The following SGO1 variants were observed in gnomAD, a reference collection of about 807,000 sequenced individuals.
SGO1 encodes shugoshin 1, also known as serologically defined breast cancer antigen NY-BR-85.
SGO1 carries 39 observed loss-of-function variants against 50.5 expected under a neutral mutation model. The ratio of observed to expected loss-of-function variants is 0.77; its 90% CI spans 0.60 to 1.01. SGO1 has a LOEUF of 1.01. Ranked by LOEUF, SGO1 falls within the 50% of genes least tolerant of loss-of-function variation. The pLI, the probability that SGO1 is intolerant of heterozygous loss-of-function variation, is 0.00. For synonymous variants in SGO1, 191 were observed against 205.1 expected, an observed-to-expected ratio of 0.93 and a Z score of 0.59; for missense variants, 638 against 606.0, an observed-to-expected ratio of 1.05 and a Z score of -0.55.
At chr3:20,165,211 G>A (rs1474383098), downstream of SGO1, among the ~76,000 whole-genome samples, 1 of 152,222 alleles carries the variant, frequency 6.6e-6, no homozygotes, top group African/African-American at 2.4e-5. Context: ...AAGGAAGCAA[G>A]AGAGAAGTGG....
chr3:20,186,262 G>A (rs1575274544), upstream of SGO1: 2 of 152,262 alleles, frequency 1.3e-5, no homozygotes, highest in African/African-American at 2.4e-5. Flanking sequence ...ACGTGGCGCA[G>A]GATGCACCCA....
downstream of SGO1, among the ~76,000 whole-genome samples, chr3:20,166,924 T>G (rs1559345366): frequency 6.6e-6 from 1 of 150,974 alleles, no homozygotes; most frequent in Non-Finnish European, 1.5e-5. Flanking sequence ...AGGGGATCCT[T>G]TGAACCCAGG....
intron 3 of SGO1, among the ~76,000 whole-genome samples, chr3:20,183,167 TA>T (rs1702222243): frequency 6.6e-6 from 1 of 152,152 alleles, no homozygotes; most frequent in Non-Finnish European, 1.5e-5. Context: ...GTAGTTCTTA[TA>T]AAACCCCACT....
chr3:20,166,286 A>G (rs1172004376), downstream of SGO1, among the ~76,000 whole-genome samples: 1 of 152,178 alleles, frequency 6.6e-6, no homozygotes, highest in African/African-American at 2.4e-5. Context: ...CTAAAACACA[A>G]CAACAAAAAA....
rs777420274 is a variant in SGO1, at chr3:20,174,662, C to G, written c.869G>C (p.Arg290Thr). Reference protein sequence around the residue: ...TKSKQRDTQERKREEKRKANR... With the variant: ...TKSKQRDTQETKREEKRKANR... ...AGCTTTTCTTTTCTCTTCTCTTTTT[C>G]TTTCTTGTGTATCTCTTTGCTTACT... Residue 290 changes from arginine (R) to threonine (T), a missense_variant, in exon 6 of 8, where the codon AGA (arginine) becomes ACA (threonine). Transcript: ENST00000412997. The G allele has an allele frequency of 4.7e-5, 76 of 1,603,288 alleles. No individual in the cohort carries two copies. Among genetic ancestry groups the G allele is most frequent in the Non-Finnish European group, 6.1e-5 (72 of 1,176,390 alleles).
chr3:20,183,005 G>A (rs1371665524), intron 3 of SGO1, among the ~76,000 whole-genome samples: 2 of 151,570 alleles, frequency 1.3e-5, no homozygotes, highest in Non-Finnish European at 2.9e-5. Context: ...GCGACTGAGG[G>A]AGACGCCGTC....
intron 6 of SGO1, among the ~76,000 whole-genome samples, chr3:20,171,737 T>C (rs886850977): frequency 6.6e-6 from 1 of 152,202 alleles, no homozygotes; most frequent in African/African-American, 2.4e-5. Context: ...TCTCTTCCTA[T>C]AGTCTTATAA....
At chr3:20,175,887 A>G (rs1314302673) in intron 5 of SGO1, among the ~76,000 whole-genome samples, 1 of 152,202 alleles carries the variant, frequency 6.6e-6, no homozygotes, top group Non-Finnish European at 1.5e-5. Context: ...GATTCAGAGA[A>G]GTAGAACCGC....
In SGO1 at chr3:20,183,910, TA is replaced by T. The variant is rs867728358; in HGVS notation, c.117del (p.Phe39LeufsTer2). On this transcript the variant is annotated frameshift_variant, in exon 2 of 8. Coordinates refer to ENST00000412997, the MANE Select transcript of SGO1 (RefSeq NM_001199251.3). LOFTEE classifies it high-confidence loss of function. ...NLAEIGKRRS[F>X]IAAPCQIITN... is the part of the protein sequence containing the mutation. ...CTGATTATTTGGCATGGTGCAGCTA[TA>T]AAAGACCTGCGTTTGCCAATCTCTG... is the stretch of plus-strand genomic sequence containing the variant. 7.4e-6 allele frequency: 12 copies of T among 1,611,140 alleles called. No homozygotes were observed. The highest frequency in any genetic ancestry group is 9.3e-6 in the Non-Finnish European group (11 of 1,179,338).
At chr3:20,175,150 C>T (rs2125310705) in intron 5 of SGO1, 95 bp from the exon 6 acceptor site, 2 of 1,241,654 alleles carry the variant, frequency 1.6e-6, no homozygotes, top group East Asian at 2.8e-5. Context: ...AGTGAATGAC[C>T]AAAAGGTCAT....
intron 5 of SGO1, among the ~76,000 whole-genome samples, chr3:20,175,659 C>T (rs1369681387): frequency 2.6e-5 from 4 of 151,374 alleles, no homozygotes; most frequent in East Asian, 3.9e-4. Flanking sequence ...ATTAGCCAGG[C>T]GTGGTGGTGG....
rs1700692946 is a variant in SGO1 at position 20,171,150 on chromosome 3, G to A, written c.1365C>T (p.Ile455=). 1.9e-6 allele frequency: 3 copies of A among 1,613,028 alleles called. No homozygotes were observed. Among genetic ancestry groups the A allele is most frequent in the Non-Finnish European group, 2.5e-6 (3 of 1,179,672 alleles). The change falls in exon 7 of 8, where the codon ATC becomes ATT. Residue 455 remains isoleucine (I), a synonymous_variant. Transcript: ENST00000412997. ...TTTTTGGAGAAAGAGAAAGTCTTCT[G>A]ATTTTCACAACAGGATACAAGGAGA... ...TNVSLYPVVK[I]RRLSLSPKKN... is the part of the protein sequence containing the mutation.
chr3:20,172,588 G>A (rs1031947287), intron 6 of SGO1, among the ~76,000 whole-genome samples: 1 of 151,606 alleles, frequency 6.6e-6, no homozygotes, highest in Non-Finnish European at 1.5e-5. Context: ...AAGACGTCTA[G>A]GGATTAAACT....
chr3:20,162,804 A>C (rs1700107198), intron 8 of SGO1, among the ~76,000 whole-genome samples: 1 of 151,714 alleles, frequency 6.6e-6, no homozygotes, highest in Non-Finnish European at 1.5e-5. Context: ...TAGAGGTAAA[A>C]AAAAAAATAC....
chr3:20,162,692 A>G (rs1700099429), intron 8 of SGO1, among the ~76,000 whole-genome samples: 2 of 152,034 alleles, frequency 1.3e-5, no homozygotes, highest in Admixed American at 1.3e-4. Context: ...GTGTTAAAAT[A>G]GTTATTCTGA....
intron 8 of SGO1, among the ~76,000 whole-genome samples, chr3:20,163,434 G>C (rs1367717223): frequency 6.6e-6 from 1 of 151,982 alleles, no homozygotes; most frequent in Non-Finnish European, 1.5e-5. Context: ...GGAAAAACTG[G>C]GTTCATCAAA....
At chr3:20,162,764 T>C (rs1180146570) in intron 8 of SGO1, among the ~76,000 whole-genome samples, 1 of 146,758 alleles carries the variant, frequency 6.8e-6, no homozygotes, top group Non-Finnish European at 1.5e-5. Flanking sequence ...ATAAAATATA[T>C]ATATAAAATA....
intron 6 of SGO1, among the ~76,000 whole-genome samples, chr3:20,173,701 G>A (rs1427747480): frequency 1.3e-5 from 2 of 152,298 alleles, no homozygotes; most frequent in East Asian, 3.9e-4. Flanking sequence ...GGTGTAGGTT[G>A]TATTACGAAC....
Position 20,161,147 on chromosome 3 carries a change from G to GAT in SGO1, c.1643_1644insAT (p.Asp548GlufsTer14). ...GGGTTTCAAGTTTACATTTCCTACAGTCTGGGAATCTCGAAACAAATTCTC... is the reference window on the plus strand; with the variant it reads ...GGGTTTCAAGTTTACATTTCCTACAGATTCTGGGAATCTCGAAACAAATTCTC... On this transcript the variant is annotated frameshift_variant, in exon 9 of 9. Coordinates refer to the SGO1 transcript ENST00000263753. LOFTEE classifies it high-confidence loss of function. The GAT allele has an allele frequency of 6.2e-7, 1 of 1,613,490 alleles. No homozygotes were observed. The highest frequency in any genetic ancestry group is 8.5e-7 in the Non-Finnish European group (1 of 1,179,778).
Sources: allele counts gnomAD v4.1 joint callset (sites outside exome capture counted in the v4.1 genomes callset), GRCh38; gene constraint gnomAD v4.1.1; transcripts MANE v1.5; gene names NCBI Gene and HGNC (gene_info 2026-07-23, HGNC 2026-07-21).